TPTE2: variants seen among roughly 807,000 people sequenced by gnomAD.
The protein encoded by TPTE2 is transmembrane phosphoinositide 3-phosphatase and tensin homolog 2.
TPTE2 carries 53 observed loss-of-function variants against 78.6 expected under a neutral mutation model. The ratio of observed to expected loss-of-function variants is 0.67; its 90% CI spans 0.54 to 0.85. The LOEUF is 0.85. Ranked by LOEUF, TPTE2 falls within the 40% of genes least tolerant of loss-of-function variation. TPTE2 has a pLI of 0.00. For missense variants in TPTE2, 461 were observed against 623.0 expected, an observed-to-expected ratio of 0.74 and a Z score of 2.77; for synonymous variants, 175 against 206.2, an observed-to-expected ratio of 0.85 and a Z score of 1.30.
At chr13:19,487,925 C>G (rs1880755358) in intron 3 of TPTE2, among the ~76,000 whole-genome samples, 1 of 152,196 alleles carries the variant, frequency 6.6e-6, no homozygotes, top group African/African-American at 2.4e-5. Context: ...TGAGATTCTC[C>G]TGTTGTAAAG....
intron 10 of TPTE2, among the ~76,000 whole-genome samples, chr13:19,460,615 G>A (rs1878826896): frequency 6.6e-6 from 1 of 152,078 alleles, no homozygotes; most frequent in African/African-American, 2.4e-5. Flanking sequence ...CTAGTCATGG[G>A]ATGATGACTC....
intron 1 of TPTE2, among the ~76,000 whole-genome samples, chr13:19,527,612 C>T (rs950624692): frequency 3.3e-5 from 5 of 151,870 alleles, no homozygotes; most frequent in South Asian, 2.1e-4. Flanking sequence ...TGGTGGCTCA[C>T]GCCTGTAATC....
At chr13:19,459,908 C>G (rs572513333) in intron 10 of TPTE2, among the ~76,000 whole-genome samples, 4 of 152,286 alleles carry the variant, frequency 2.6e-5, no homozygotes, top group Admixed American at 1.3e-4. Context: ...TCCCCGGGAA[C>G]TCAGACCCAT....
intron 6 of TPTE2, among the ~76,000 whole-genome samples, chr13:19,469,299 C>T (rs1461727692): frequency 1.3e-5 from 2 of 152,088 alleles, no homozygotes; most frequent in Non-Finnish European, 2.9e-5. Context: ...TCAATGTATG[C>T]TCTTGGCACA....
intron 1 of TPTE2, among the ~76,000 whole-genome samples, chr13:19,523,769 C>A (rs902782377): frequency 5.3e-5 from 8 of 152,158 alleles, no homozygotes; most frequent in African/African-American, 1.9e-4. Flanking sequence ...CCATGCCCAG[C>A]CCCAAATACA....
intron 6 of TPTE2, among the ~76,000 whole-genome samples, chr13:19,468,416 G>A (rs1399798621): frequency 1.3e-5 from 2 of 152,106 alleles, no homozygotes; most frequent in Non-Finnish European, 2.9e-5. Context: ...CCATTCATCT[G>A]TTGATGGACA....
At chr13:19,497,228 C>A (rs1390328208) in intron 1 of TPTE2, among the ~76,000 whole-genome samples, 2 of 147,494 alleles carry the variant, frequency 1.4e-5, no homozygotes, top group Admixed American at 6.8e-5. Flanking sequence ...GGGGGAGGGG[C>A]GCCCGACATT....
intron 1 of TPTE2, among the ~76,000 whole-genome samples, chr13:19,523,557 C>A (rs1485454158): frequency 6.6e-6 from 1 of 151,998 alleles, no homozygotes; most frequent in African/African-American, 2.4e-5. Context: ...CTCACTGCAA[C>A]CTCTGCCTCC....
In TPTE2 at chr13:19,456,253, G is replaced by A. The variant is rs1275747613; in HGVS notation, c.742-5028C>T. Among the ~76,000 whole-genome samples the A allele has an allele frequency of 3.3e-5, 5 of 152,076 alleles. No homozygotes were observed. The East Asian group carries it at 9.6e-4, about 29-fold the overall frequency. On this transcript the variant is annotated intron_variant, in intron 10 of 19. Coordinates refer to ENST00000400230, the Ensembl canonical transcript of TPTE2. ...CACTTTGGGAGGCTGAGGTGGGAGG[G>A]TTGCTTGAATCCAGGAGTTCAAGAC...
intron 6 of TPTE2, among the ~76,000 whole-genome samples, chr13:19,469,660 G>C (rs186950288): frequency 2.0e-5 from 3 of 152,098 alleles, no homozygotes; most frequent in Non-Finnish European, 4.4e-5. Context: ...CCATGAAATG[G>C]AATCTCTTTC....
intron 10 of TPTE2, among the ~76,000 whole-genome samples, chr13:19,453,425 T>C (rs1475575460): frequency 2.0e-5 from 3 of 151,920 alleles, no homozygotes; most frequent in Non-Finnish European, 4.4e-5. Flanking sequence ...CAATATTTGC[T>C]TTTTCATGGG....
chr13:19,540,311 G>GTATTATTA (rs1566083225), upstream of TPTE2, among the ~76,000 whole-genome samples: 4 of 47,254 alleles, frequency 8.5e-5, no homozygotes, highest in Non-Finnish European at 2.5e-4. Flanking sequence ...TATTATTATG[G>GTATTATTA]TTTTTTTTAA....
chr13:19,490,589 C>A (rs904429967), intron 3 of TPTE2, among the ~76,000 whole-genome samples: 1 of 152,084 alleles, frequency 6.6e-6, no homozygotes, highest in Non-Finnish European at 1.5e-5. Context: ...TTGTAAATAC[C>A]CACCTTGCTT....
At chr13:19,561,408 C>A in the TPTE2 span, 2 of 439,288 alleles carry the variant, frequency 4.6e-6, no homozygotes, top group Non-Finnish European at 8.0e-6. Context: ...CGGGGCGCCG[C>A]GCCCCGCCCC....
At chr13:19,476,169 T>G (rs527296383) in intron 4 of TPTE2, among the ~76,000 whole-genome samples, 1 of 152,238 alleles carries the variant, frequency 6.6e-6, no homozygotes, top group African/African-American at 2.4e-5. Context: ...TAAGACATTT[T>G]AGTAAGATAT....
chr13:19,483,852 A>C (rs777908948), intron 3 of TPTE2, among the ~76,000 whole-genome samples: 1 of 152,122 alleles, frequency 6.6e-6, no homozygotes, highest in Non-Finnish European at 1.5e-5. Flanking sequence ...ATATGTATAC[A>C]TGTGCCATGT....
At chr13:19,560,563 C>G in the TPTE2 span, 1 of 1,598,962 alleles carries the variant, frequency 6.3e-7, no homozygotes, top group Non-Finnish European at 8.5e-7. Flanking sequence ...CTTGGCCCAG[C>G]TGATGGTGAC....
intron 4 of TPTE2, among the ~76,000 whole-genome samples, chr13:19,477,698 T>A (rs1489474554): frequency 6.6e-6 from 1 of 152,180 alleles, no homozygotes; most frequent in Non-Finnish European, 1.5e-5. Flanking sequence ...CATGAAGAAG[T>A]GGCTTGGGTG....
chr13:19,438,448 A>G, intron 13 of TPTE2: 1 of 984,846 alleles, frequency 1.0e-6, no homozygotes, highest in Non-Finnish European at 1.2e-6. Context: ...GTCTTTTATA[A>G]TTTTTTTGGA....
Sources: allele counts gnomAD v4.1 joint callset (sites outside exome capture counted in the v4.1 genomes callset), GRCh38; gene constraint gnomAD v4.1.1; transcripts MANE v1.5; gene names NCBI Gene and HGNC (gene_info 2026-07-23, HGNC 2026-07-21).